Variants in SPATA7 observed in about 807,000 individuals in gnomAD.
The protein encoded by SPATA7 is spermatogenesis associated 7.
SPATA7 carries 43 observed loss-of-function variants against 51.8 expected under a neutral mutation model. The observed-to-expected ratio is 0.83, with a 90% CI of 0.65 to 1.07. The LOEUF is 1.07. Ranked by LOEUF, SPATA7 falls within the 50% of genes least tolerant of loss-of-function variation. The probability of loss-of-function intolerance (pLI) is 0.00; values close to 1 mark genes in which losing one functional copy is unlikely to be tolerated. For synonymous variants in SPATA7, 230 were observed against 252.8 expected (o/e 0.91, Z 0.86); for missense variants, 683 against 701.3 (o/e 0.97, Z 0.30).
chr14:88,431,312 C>A, intron 9 of SPATA7, 87 bp downstream of exon 9: 2 of 1,292,598 alleles, frequency 1.5e-6, no homozygotes, highest in Non-Finnish European at 2.2e-6. Context: ...CAGGATTGAA[C>A]AATAATCTCT....
chr14:88,399,018 C>G (rs1424137474), intron 4 of SPATA7, among the ~76,000 whole-genome samples: 1 of 149,424 alleles, frequency 6.7e-6, no homozygotes, highest in African/African-American at 2.5e-5. Context: ...TGCCACTGCA[C>G]TCCAGCCTGG....
At chr14:88,414,419 T>C (rs2076420831) in intron 4 of SPATA7, among the ~76,000 whole-genome samples, 1 of 152,162 alleles carries the variant, frequency 6.6e-6, no homozygotes, top group African/African-American at 2.4e-5. Context: ...CTTTGTCATA[T>C]CTGGTTGTAC....
chr14:88,400,050 CCTT>C (rs2076015084), intron 4 of SPATA7, among the ~76,000 whole-genome samples: 1 of 152,122 alleles, frequency 6.6e-6, no homozygotes, highest in African/African-American at 2.4e-5. Flanking sequence ...GCACATGAAA[CCTT>C]CTTCAGAATA....
rs771528042 is a variant in SPATA7, at chr14:88,470,116, A to G, written c.*249A>G. ...AATATACATAGGTATGTATGCATGC[A>G]TTCATGGTAGTACTAAAAAAGTTTT... On this transcript the variant is annotated 3_prime_UTR_variant, in exon 5 of 5. Transcript: ENST00000556406. 3 of 1,504,636 alleles carry G rather than the reference A, an allele frequency of 2.0e-6. No homozygotes were observed. In the Admixed American group the frequency reaches 5.7e-5, roughly 29 times the overall value. The allele number at this position is 1,504,636 out of a possible 1,614,324, so 93.2% of individuals were successfully genotyped here.
chr14:88,463,528 T>G (rs1254099817), intron 4 of SPATA7, among the ~76,000 whole-genome samples: 2 of 152,034 alleles, frequency 1.3e-5, no homozygotes, highest in Non-Finnish European at 2.9e-5. Context: ...TTTCTTGGAG[T>G]ACAGAACACA....
intron 3 of SPATA7, among the ~76,000 whole-genome samples, chr14:88,445,263 C>G (rs1031791554): frequency 6.7e-6 from 1 of 149,222 alleles, no homozygotes; most frequent in East Asian, 2.0e-4. Flanking sequence ...AATGGGAGTT[C>G]ACTCATGATT....
intron 4 of SPATA7, chr14:88,466,860 AACTATTATT>A (rs2077372285): frequency 6.6e-6 from 1 of 152,220 alleles, no homozygotes; most frequent in African/African-American, 2.4e-5. Context: ...AAGAGGTGAA[AACTATTATT>A]AACTATTCCC....
Position 88,437,597 on chromosome 14 carries a change from G to T in SPATA7, c.1215G>T (p.Glu405Asp), listed in dbSNP as rs768028061. ...TAAAACAAAATAAACATTTGGAGGA[G>T]GTTTGTCTTTCCTTATAACTTCATT... ...RHIKQNKHLE[E>D]EKMRHLLHVL... The change falls in exon 11 of 12, where the codon GAG becomes GAT. Residue 405 changes from glutamate to aspartate, a missense_variant and splice_region_variant. Coordinates refer to ENST00000393545, the MANE Select transcript of SPATA7 (RefSeq NM_018418.5). 4 of 1,605,762 alleles carry T rather than the reference G, an allele frequency of 2.5e-6. No individual in the cohort carries two copies. The highest frequency in any genetic ancestry group is 3.4e-6 in the Non-Finnish European group (4 of 1,174,316).
At chr14:88,455,961 T>TG (rs2077281699), downstream of SPATA7, among the ~76,000 whole-genome samples, 1 of 148,864 alleles carries the variant, frequency 6.7e-6, no homozygotes, top group African/African-American at 2.5e-5. Flanking sequence ...CACCTATGAG[T>TG]GAGAACATGC....
intron 4 of SPATA7, chr14:88,466,782 A>G (rs1208766577): frequency 6.6e-6 from 1 of 152,230 alleles, no homozygotes; most frequent in African/African-American, 2.4e-5. Context: ...TTAAGGAGCT[A>G]AAATGCAAGT....
chr14:88,403,478 C>G (rs375633732), intron 4 of SPATA7, among the ~76,000 whole-genome samples: 58 of 152,070 alleles, frequency 3.8e-4, no homozygotes, highest in Non-Finnish European at 4.7e-4. Flanking sequence ...AAATACTACA[C>G]ACACATACAC....
At chr14:88,450,430 A>T (rs564017997) in intron 3 of SPATA7, among the ~76,000 whole-genome samples, 1 of 151,940 alleles carries the variant, frequency 6.6e-6, no homozygotes, top group African/African-American at 2.4e-5. Flanking sequence ...AGGATATTCT[A>T]TTTTGATGAT....
At chr14:88,458,623 T>C (rs887319325), downstream of SPATA7, among the ~76,000 whole-genome samples, 33 of 152,308 alleles carry the variant, frequency 2.2e-4, no homozygotes, top group African/African-American at 7.9e-4. Context: ...TCTTTTCTTC[T>C]TTATTAGTCT....
At chr14:88,460,207 G>T (rs1325973895), downstream of SPATA7, among the ~76,000 whole-genome samples, 1 of 152,090 alleles carries the variant, frequency 6.6e-6, no homozygotes, top group Non-Finnish European at 1.5e-5. Context: ...TCTTCTCGAG[G>T]ATTATCTTTA....
downstream of SPATA7, among the ~76,000 whole-genome samples, chr14:88,458,839 G>C (rs1284976267): frequency 6.6e-6 from 1 of 152,110 alleles, no homozygotes; most frequent in East Asian, 1.9e-4. Context: ...CATCTTTCCT[G>C]CTTTCTCTTA....
chr14:88,442,228 C>G (rs1195150755), downstream of SPATA7, among the ~76,000 whole-genome samples: 1 of 152,014 alleles, frequency 6.6e-6, no homozygotes, highest in Non-Finnish European at 1.5e-5. Context: ...CTCACTCTGT[C>G]ACCCAGGCTG....
intron 11 of SPATA7, 30 bp from the exon 12 acceptor site, chr14:88,437,808 G>T (rs1372031284): frequency 6.4e-7 from 1 of 1,559,666 alleles, no homozygotes; most frequent in African/African-American, 1.4e-5. Context: ...CTCAATTAAT[G>T]TAATTAGTCT....
intron 10 of SPATA7, among the ~76,000 whole-genome samples, chr14:88,435,599 G>A (rs2077064106): frequency 1.3e-5 from 2 of 152,058 alleles, no homozygotes; most frequent in South Asian, 4.1e-4. Context: ...CCCAGCCTCT[G>A]TTAACCATCC....
intron 4 of SPATA7, among the ~76,000 whole-genome samples, chr14:88,409,327 G>A (rs952809998): frequency 6.6e-6 from 1 of 152,146 alleles, no homozygotes; most frequent in Non-Finnish European, 1.5e-5. Flanking sequence ...TCAGGAGGAT[G>A]TATGTGTCCA....
Sources: gnomAD v4.1 joint callset for allele counts (sites outside exome capture counted in the v4.1 genomes callset) on GRCh38, gnomAD v4.1.1 for gene constraint, MANE v1.5 for transcripts, NCBI Gene and HGNC (gene_info 2026-07-23, HGNC 2026-07-21) for gene names.